Variants in FBXL20 observed in about 807,000 individuals in gnomAD.
The protein encoded by FBXL20 is F-box and leucine rich repeat protein 20.
A neutral mutation model predicts 64.0 loss-of-function variants in FBXL20; 11 were observed. The observed-to-expected ratio is 0.17, with a 90% confidence interval of 0.11 to 0.28. FBXL20 has a LOEUF of 0.28. Among genes scored for constraint, FBXL20 ranks in the 10% least tolerant of loss-of-function variants. The pLI is 1.00. For missense variants in FBXL20, 303 were observed against 526.2 expected (o/e 0.58, Z 4.15); for synonymous variants, 184 against 189.0 (o/e 0.97, Z 0.22).
chr17:39,353,044 T>G (rs1271720052), intron 1 of FBXL20, among the ~76,000 whole-genome samples: 2 of 152,148 alleles, frequency 1.3e-5, no homozygotes, highest in Non-Finnish European at 2.9e-5. Flanking sequence ...TGCCTGGAAC[T>G]CCATCTTGTA....
chr17:39,388,992 T>C (rs1212001731), intron 1 of FBXL20, among the ~76,000 whole-genome samples: 1 of 147,582 alleles, frequency 6.8e-6, no homozygotes, highest in African/African-American at 2.5e-5. Flanking sequence ...TAATCCCAGC[T>C]ACTAGGGAGG....
chr17:39,372,954 C>T (rs2047932677), intron 1 of FBXL20, among the ~76,000 whole-genome samples: 1 of 152,104 alleles, frequency 6.6e-6, no homozygotes. Context: ...GATAACAAAA[C>T]TGAAATCGAG....
Position 39,285,484 on chromosome 17 carries a change from G to T in FBXL20, c.488C>A (p.Ala163Asp), listed in dbSNP as rs1233154441. 1 of 1,583,782 alleles carries T rather than the reference G, an allele frequency of 6.3e-7. No individual in the cohort carries two copies. The highest frequency in any genetic ancestry group is 2.3e-5 in the East Asian group (1 of 44,364). Residue 163 changes from alanine (A) to aspartate (D), a missense_variant, in exon 7 of 15, where the codon GCT (alanine) becomes GAT (aspartate). Physicochemically the swap from Ala to Asp is moderately radical, Grantham distance 126. Coordinates refer to ENST00000264658, the MANE Select transcript of FBXL20 (RefSeq NM_032875.3). Reference protein sequence around the residue: ...CTSITNMSLKALSEGCPLLEQ... With the variant: ...CTSITNMSLKDLSEGCPLLEQ... ...CTTATTATAAGAAATTTACCTCAGAGCTTTTAGAGACATGTTTGTTATTGA... is the reference window on the plus strand; with the variant it reads ...CTTATTATAAGAAATTTACCTCAGATCTTTTAGAGACATGTTTGTTATTGA...
chr17:39,303,781 G>T, intron 2 of FBXL20, 142 bp from the exon 3 acceptor site: 1 of 597,112 alleles, frequency 1.7e-6, no homozygotes, highest in Non-Finnish European at 2.8e-6. Context: ...TGACTTCCTG[G>T]GGTCAGGTGA....
chr17:39,386,560 G>T (rs1441683350), intron 1 of FBXL20, among the ~76,000 whole-genome samples: 1 of 152,084 alleles, frequency 6.6e-6, no homozygotes, highest in Non-Finnish European at 1.5e-5. Context: ...GGAGGCGGAG[G>T]TTGCAGTGAG....
intron 10 of FBXL20, among the ~76,000 whole-genome samples, 176 bp from the exon 11 acceptor site, chr17:39,271,032 G>A (rs2046838919): frequency 6.6e-6 from 1 of 152,088 alleles, no homozygotes; most frequent in Non-Finnish European, 1.5e-5. Flanking sequence ...CATTTTCATG[G>A]AGTCATCATA....
intron 6 of FBXL20, among the ~76,000 whole-genome samples, chr17:39,287,812 G>A (rs1200239912): frequency 2.0e-5 from 3 of 152,058 alleles, no homozygotes; most frequent in Non-Finnish European, 2.9e-5. Flanking sequence ...CAAATTGGCC[G>A]TACCATTTTA....
intron 6 of FBXL20, among the ~76,000 whole-genome samples, chr17:39,287,930 T>C (rs925312687): frequency 1.3e-5 from 2 of 152,096 alleles, no homozygotes; most frequent in Non-Finnish European, 1.5e-5. Context: ...TGGTGTGGAA[T>C]TGCATTGTGG....
At chr17:39,370,383 C>A (rs2047904868) in intron 1 of FBXL20, among the ~76,000 whole-genome samples, 1 of 151,700 alleles carries the variant, frequency 6.6e-6, no homozygotes, top group Non-Finnish European at 1.5e-5. Context: ...CCCAGCTACT[C>A]AGGGGTTGAG....
In FBXL20 at chr17:39,261,446, GACCACC is replaced by G; in HGVS notation, c.*8_*13del. The G allele has an allele frequency of 6.2e-7, 1 of 1,602,934 alleles. No homozygotes were observed. Among genetic ancestry groups the G allele is most frequent in the African/African-American group, 1.3e-5 (1 of 74,788 alleles). On this transcript the variant is annotated 3_prime_UTR_variant, in exon 15 of 15. Coordinates refer to ENST00000264658, the MANE Select transcript of FBXL20 (RefSeq NM_032875.3). ...ATTAAATACTCAGTTCGCCAAGGTT[GACCACC>G]TCCATTGTCATAGGATGATGCAGCA...
At chr17:39,337,763 C>T (rs1328946971) in intron 2 of FBXL20, among the ~76,000 whole-genome samples, 5 of 151,734 alleles carry the variant, frequency 3.3e-5, no homozygotes, top group Admixed American at 6.6e-5. Context: ...CCACCCCATC[C>T]GGGAGGGAGG....
intron 6 of FBXL20, among the ~76,000 whole-genome samples, chr17:39,296,573 A>G (rs965144538): frequency 6.6e-6 from 1 of 151,412 alleles, no homozygotes; most frequent in Non-Finnish European, 1.5e-5. Flanking sequence ...AAAAAAAAAA[A>G]AAAAAAAAAA....
Position 39,264,216 on chromosome 17 carries a change from CAT to C in FBXL20, c.1160_1161del (p.Tyr387Ter). 6.2e-7 allele frequency: 1 copy of C among 1,614,244 alleles called. No individual in the cohort carries two copies. The highest frequency in any genetic ancestry group is 8.5e-7 in the Non-Finnish European group (1 of 1,180,036). On this transcript the variant is annotated frameshift_variant, in exon 14 of 15. Coordinates refer to ENST00000264658, the MANE Select transcript of FBXL20 (RefSeq NM_032875.3). LOFTEE classifies it high-confidence loss of function. ...SCHSLERIELYDCQQITRAGI... is the reference protein window; with the variant it reads ...SCHSLERIELXDCQQITRAGI... ...CCAGCCCGTGTGATTTGCTGGCAGT[CAT>C]AGAGTTCTATCCGCTCAAGGCTATG...
chr17:39,331,679 T>A (rs1047615830), intron 2 of FBXL20, among the ~76,000 whole-genome samples: 2 of 152,222 alleles, frequency 1.3e-5, no homozygotes, highest in Non-Finnish European at 1.5e-5. Context: ...AACAAATGTT[T>A]GTATCCACAT....
Position 39,254,336 on chromosome 17 carries a change from C to G in FBXL20, c.*7124G>C, listed in dbSNP as rs2046676107. 1.3e-5 allele frequency: 2 copies of G among 152,302 alleles called. No individual in the cohort carries two copies. Among genetic ancestry groups the G allele is most frequent in the African/African-American group, 4.8e-5 (2 of 41,442 alleles). 9.4% of individuals were successfully genotyped at this position (152,302 alleles called of 1,614,324 possible). On this transcript the variant is annotated 3_prime_UTR_variant, in exon 15 of 15. Transcript: ENST00000264658. ...TGCTGGGATTACAGGCGTGAGCCAC[C>G]ACGCCTGGCTGCAAAGTTTTCTTCT... is the stretch of plus-strand genomic sequence containing the variant.
intron 1 of FBXL20, among the ~76,000 whole-genome samples, chr17:39,344,171 G>A (rs7218670): frequency 0.38 from 57,589 of 151,338 alleles, 14,016 homozygotes; most frequent in African/African-American, 0.7. Flanking sequence ...CAACATGGCG[G>A]AACTCTGTCG....
At chr17:39,293,918 C>A (rs1238138756) in intron 6 of FBXL20, among the ~76,000 whole-genome samples, 1 of 151,510 alleles carries the variant, frequency 6.6e-6, no homozygotes, top group African/African-American at 2.4e-5. Flanking sequence ...CTTTTCAAAT[C>A]AGCAAAAACT....
At chr17:39,370,512 C>A (rs908457561) in intron 1 of FBXL20, among the ~76,000 whole-genome samples, 1 of 149,696 alleles carries the variant, frequency 6.7e-6, no homozygotes, top group East Asian at 2.0e-4. Context: ...GAAGGCCGGG[C>A]GCGGTGGCTC....
chr17:39,357,761 G>A (rs185844414), intron 1 of FBXL20, among the ~76,000 whole-genome samples: 59 of 152,226 alleles, frequency 3.9e-4, no homozygotes, highest in Non-Finnish European at 7.1e-4. Context: ...ACTTATTGTC[G>A]TTCATATTTA....
Sources: gnomAD v4.1 joint callset for allele counts (sites outside exome capture counted in the v4.1 genomes callset) on GRCh38, gnomAD v4.1.1 for gene constraint, MANE v1.5 for transcripts, NCBI Gene and HGNC (gene_info 2026-07-23, HGNC 2026-07-21) for gene names.